Variants in ATP2C1 observed in about 807,000 individuals in gnomAD.
The protein encoded by ATP2C1 is ATPase secretory pathway Ca2+ transporting 1, also known as calcium-transporting ATPase type 2C member 1.
A neutral mutation model predicts 120.5 loss-of-function variants in ATP2C1; 31 were observed. The ratio of observed to expected loss-of-function variants is 0.26; its 90% CI spans 0.19 to 0.35. The LOEUF is 0.35. Among genes scored for constraint, ATP2C1 ranks in the 10% least tolerant of loss-of-function variants. The probability of loss-of-function intolerance (pLI) is 1.00; values close to 1 mark genes in which losing one functional copy is unlikely to be tolerated. For synonymous variants in ATP2C1, 351 were observed against 358.7 expected, an observed-to-expected ratio of 0.98 and a Z score of 0.24; for missense variants, 731 against 1,107.5, an observed-to-expected ratio of 0.66 and a Z score of 4.83.
In ATP2C1 at chr3:131,002,359, C is replaced by G. The variant is rs1279053647; in HGVS notation, c.*1009C>G. 2.0e-6 allele frequency: 2 copies of G among 985,204 alleles called. No homozygotes were observed. Among genetic ancestry groups the G allele is most frequent in the Non-Finnish European group, 2.4e-6 (2 of 829,880 alleles). The allele number at this position is 985,204 out of a possible 1,614,324, so 61.0% of individuals were successfully genotyped here. On this transcript the variant is annotated 3_prime_UTR_variant, in exon 28 of 28. Transcript: ENST00000510168. ...AGAATAAAAAGTCCCCAAACCCAAA[C>G]AAATGGTTTATGAACCAGAGTATAT...
chr3:130,882,072 G>T (rs2068801226), intron 1 of ATP2C1, among the ~76,000 whole-genome samples: 2 of 152,082 alleles, frequency 1.3e-5, no homozygotes, highest in Admixed American at 6.5e-5. Flanking sequence ...CTCTAGTTAG[G>T]ACTTCCAGTA....
chr3:130,975,411 A>G lies in ATP2C1; in HGVS notation c.1493A>G (p.Gln498Arg). ...KYCTTYQSKGQTLTLTQQQRD... is the reference protein window; with the variant it reads ...KYCTTYQSKGRTLTLTQQQRD... Reference sequence around the variant, plus strand: ...TGTACTACATACCAGAGCAAAGGGCAGACCTTGACACTTACTCAGCAGCAG... The same window carrying G: ...TGTACTACATACCAGAGCAAAGGGCGGACCTTGACACTTACTCAGCAGCAG... Residue 498 changes from glutamine to arginine, a missense_variant, in exon 18 of 28, where the codon CAG (glutamine) becomes CGG (arginine). Gln to Arg is a conservative substitution (Grantham distance 43). Around this residue, in one of 3 missense-constraint regions of ATP2C1, gnomAD observed 571 missense variants for 845.9 expected, o/e 0.67. Transcript: ENST00000510168. The G allele has an allele frequency of 6.2e-7, 1 of 1,613,964 alleles. No homozygotes were observed. Among genetic ancestry groups the G allele is most frequent in the Non-Finnish European group, 8.5e-7 (1 of 1,179,886 alleles).
chr3:131,010,187 C>CTTT (rs35503162), intron 26 of ATP2C1, among the ~76,000 whole-genome samples: 1,232 of 87,960 alleles, frequency 0.014, 39 homozygotes, highest in African/African-American at 0.049. Flanking sequence ...CTTTTTCTAT[C>CTTT]TTTTTTTTTT....
chr3:130,900,789 A>G (rs1399352861), intron 2 of ATP2C1, among the ~76,000 whole-genome samples: 2 of 152,174 alleles, frequency 1.3e-5, no homozygotes, highest in Non-Finnish European at 2.9e-5. Context: ...ATTTCCTCTC[A>G]TCTTAAATCG....
intron 1 of ATP2C1, among the ~76,000 whole-genome samples, chr3:130,880,990 T>C (rs574651524): frequency 6.6e-6 from 1 of 152,294 alleles, no homozygotes; most frequent in African/African-American, 2.4e-5. Context: ...ATATCTGACT[T>C]CCAGCAGTTA....
chr3:130,971,601 G>C (rs1044573594), intron 17 of ATP2C1, among the ~76,000 whole-genome samples: 7 of 152,236 alleles, frequency 4.6e-5, no homozygotes, highest in Non-Finnish European at 8.8e-5. Flanking sequence ...AGGAATAAAA[G>C]ATATAAACTC....
In ATP2C1 at chr3:130,975,435, A is replaced by G. The variant is rs1330087517; in HGVS notation, c.1517A>G (p.Gln506Arg). ...KGQTLTLTQQ[Q>R]RDVYQQEKAR... The stretch of plus-strand genomic sequence containing the variant: ...CAGACCTTGACACTTACTCAGCAGC[A>G]GAGAGATGTGTACCAACAAGAGAAG... The change falls in exon 18 of 28, where the codon CAG becomes CGG. Residue 506 changes from glutamine (Q) to arginine (R), a missense_variant. Gln to Arg is a conservative substitution (Grantham distance 43, BLOSUM62 1). This residue lies in a region of ATP2C1 where 571 missense variants were observed against 845.9 expected (regional missense o/e 0.67). Coordinates refer to ENST00000510168, the MANE Select transcript of ATP2C1 (RefSeq NM_001378687.1). 6.2e-7 allele frequency: 1 copy of G among 1,613,824 alleles called. No individual in the cohort carries two copies. The highest frequency in any genetic ancestry group is 8.5e-7 in the Non-Finnish European group (1 of 1,179,898).
intron 1 of ATP2C1, among the ~76,000 whole-genome samples, chr3:130,854,895 C>T (rs2067787927): frequency 6.6e-6 from 1 of 152,206 alleles, no homozygotes; most frequent in African/African-American, 2.4e-5. Flanking sequence ...TTGATATCTC[C>T]ATCTGAATGT....
intron 2 of ATP2C1, among the ~76,000 whole-genome samples, chr3:130,895,697 C>T (rs1267845186): frequency 6.6e-6 from 1 of 152,152 alleles, no homozygotes; most frequent in Non-Finnish European, 1.5e-5. Context: ...TGCAGTCTTG[C>T]TGGCTGCTTC....
intron 8 of ATP2C1, among the ~76,000 whole-genome samples, chr3:130,949,411 C>T (rs759172340): frequency 2.0e-5 from 3 of 152,012 alleles, no homozygotes; most frequent in Admixed American, 6.6e-5. Flanking sequence ...CTGTGAAGGC[C>T]GAGAGAAGTG....
At chr3:130,852,410 T>C (rs1373774182) in intron 1 of ATP2C1, among the ~76,000 whole-genome samples, 1 of 152,100 alleles carries the variant, frequency 6.6e-6, no homozygotes, top group Non-Finnish European at 1.5e-5. Context: ...TGGTTCTTTG[T>C]TTTTAGTTTA....
At chr3:131,014,521 C>A in intron 26 of ATP2C1, 1 of 860,642 alleles carries the variant, frequency 1.2e-6, no homozygotes, top group South Asian at 2.1e-5. Context: ...ATCGAAATTA[C>A]TTAAGAATAA....
intron 2 of ATP2C1, among the ~76,000 whole-genome samples, chr3:130,924,308 A>G (rs1418037487): frequency 1.3e-5 from 2 of 152,162 alleles, no homozygotes; most frequent in Non-Finnish European, 2.9e-5. Context: ...TCTGATAAAG[A>G]CTTTATCTCT....
chr3:130,909,416 C>T (rs764889322), intron 2 of ATP2C1, among the ~76,000 whole-genome samples: 6 of 152,156 alleles, frequency 3.9e-5, no homozygotes, highest in Non-Finnish European at 7.4e-5. Context: ...CTGTCATATC[C>T]TTTATTTAGA....
intron 1 of ATP2C1, among the ~76,000 whole-genome samples, chr3:130,870,288 G>T (rs531236331): frequency 2.0e-5 from 3 of 152,308 alleles, no homozygotes; most frequent in African/African-American, 7.2e-5. Flanking sequence ...TGTCTGTTCT[G>T]CAGTCCATGG....
At chr3:130,924,004 C>A (rs376438911) in intron 2 of ATP2C1, among the ~76,000 whole-genome samples, 30 of 151,818 alleles carry the variant, frequency 2.0e-4, no homozygotes, top group Admixed American at 2.0e-3. Context: ...ATCCTTGGTT[C>A]GTGGATTTTT....
At chr3:130,852,479 G>C (rs1383989157) in intron 1 of ATP2C1, among the ~76,000 whole-genome samples, 1 of 152,096 alleles carries the variant, frequency 6.6e-6, no homozygotes, top group Non-Finnish European at 1.5e-5. Flanking sequence ...TAAAACCTCT[G>C]ACTTGGACAG....
At chr3:130,944,362 C>T in intron 8 of ATP2C1, among the ~76,000 whole-genome samples, 1 of 152,184 alleles carries the variant, frequency 6.6e-6, no homozygotes. Context: ...TAACAAAATA[C>T]CATGCCATTT....
rs771821705 is a variant in ATP2C1, at chr3:130,993,994, T to C, written c.1953T>C (p.Ala651=). Residue 651 remains alanine (A), a synonymous_variant, in exon 22 of 28, where the codon GCT becomes GCC. Transcript: ENST00000510168. ...GAGATGGAGTAAATGATGCAGTTGC[T>C]CTGAAGGCTGCAGACATTGGAGTTG... is the stretch of plus-strand genomic sequence containing the variant. ...MTGDGVNDAV[A]LKAADIGVAM... 2.5e-6 allele frequency: 4 copies of C among 1,614,018 alleles called. No individual in the cohort carries two copies. In the Admixed American group the frequency reaches 6.7e-5, roughly 27 times the overall value.
Sources: allele counts gnomAD v4.1 joint callset (sites outside exome capture counted in the v4.1 genomes callset), GRCh38; gene constraint gnomAD v4.1.1; regional missense constraint gnomAD v4.1.1; transcripts MANE v1.5; gene names NCBI Gene and HGNC (gene_info 2026-07-23, HGNC 2026-07-21).